TMOD3: variants seen among roughly 807,000 people sequenced by gnomAD.
TMOD3 encodes the protein tropomodulin 3, also known as tropomodulin-3.
A neutral mutation model predicts 39.2 loss-of-function variants in TMOD3; 20 were observed. The observed-to-expected ratio is 0.51, with a 90% confidence interval of 0.36 to 0.74. TMOD3 has a LOEUF of 0.74. Among genes scored for constraint, TMOD3 ranks in the 30% least tolerant of loss-of-function variants. The pLI is 0.00. For missense variants in TMOD3, 381 were observed against 412.8 expected (o/e 0.92, Z 0.67); for synonymous variants, 143 against 145.8 (o/e 0.98, Z 0.14).
At chr15:51,859,290 G>A in intron 1 of TMOD3, 1 of 734,000 alleles carries the variant, frequency 1.4e-6, no homozygotes, top group Admixed American at 1.7e-5. Flanking sequence ...GCAGTTTTCA[G>A]GTCTACCAAG....
chr15:51,908,957 T>C lies in TMOD3; in HGVS notation c.*147T>C. 2.1e-6 allele frequency: 1 copy of C among 472,612 alleles called. No homozygotes were observed. Among genetic ancestry groups the C allele is most frequent in the Admixed American group, 4.1e-5 (1 of 24,142 alleles). The allele number at this position is 472,612 out of a possible 1,614,324, so 29.3% of individuals were successfully genotyped here. ...CATTTTTTTTTTAGTTGTTATCAAA[T>C]TGTAAAATCAGTAATGTGATATTTT... On this transcript the variant is annotated 3_prime_UTR_variant, in exon 10 of 10. Transcript: ENST00000308580.
At chr15:51,836,042 A>G (rs1383101287) in intron 1 of TMOD3, among the ~76,000 whole-genome samples, 1 of 152,166 alleles carries the variant, frequency 6.6e-6, no homozygotes, top group East Asian at 1.9e-4. Context: ...AAAAGCTAAG[A>G]TTTTCAAAGA....
At chr15:51,855,763 C>T (rs1033134388) in intron 1 of TMOD3, among the ~76,000 whole-genome samples, 1 of 152,194 alleles carries the variant, frequency 6.6e-6, no homozygotes, top group African/African-American at 2.4e-5. Flanking sequence ...AAAGGACAAG[C>T]AAGAGAGACA....
chr15:51,876,120 T>C (rs963191038), intron 3 of TMOD3, among the ~76,000 whole-genome samples: 1 of 152,200 alleles, frequency 6.6e-6, no homozygotes, highest in Non-Finnish European at 1.5e-5. Context: ...TTAGATGTCA[T>C]GGTATATCTT....
chr15:51,896,702 AT>A (rs907161854), intron 7 of TMOD3, among the ~76,000 whole-genome samples, 176 bp downstream of exon 7: 18 of 152,030 alleles, frequency 1.2e-4, no homozygotes, highest in South Asian at 6.2e-4. Context: ...CTTCCTATGA[AT>A]TTTTTCCCCC....
At chr15:51,869,918 C>T (rs779556083) in intron 3 of TMOD3, among the ~76,000 whole-genome samples, 7 of 151,962 alleles carry the variant, frequency 4.6e-5, no homozygotes, top group South Asian at 4.2e-4. Context: ...AGCCTGAGTA[C>T]GGCTGTGGTT....
intron 2 of TMOD3, among the ~76,000 whole-genome samples, chr15:51,866,546 C>T (rs2056448089): frequency 6.6e-6 from 1 of 152,004 alleles, no homozygotes; most frequent in African/African-American, 2.4e-5. Flanking sequence ...TTCTAGGGAG[C>T]CAGGATTTCA....
At chr15:51,882,929 T>G (rs1276329462) in intron 3 of TMOD3, among the ~76,000 whole-genome samples, 1 of 152,230 alleles carries the variant, frequency 6.6e-6, no homozygotes, top group Non-Finnish European at 1.5e-5. Context: ...CTTCCTAGTT[T>G]ATCCTTTCTT....
chr15:51,839,205 T>C (rs1366795421), intron 1 of TMOD3, among the ~76,000 whole-genome samples: 1 of 148,556 alleles, frequency 6.7e-6, no homozygotes, highest in Non-Finnish European at 1.5e-5. Flanking sequence ...TGGGTCTCAC[T>C]CTGTTGCCTA....
chr15:51,848,241 T>G lies in TMOD3; in HGVS notation c.-74-14570T>G, dbSNP rs563318708. Among the ~76,000 whole-genome samples, 23 of 152,332 alleles carry G rather than the reference T, an allele frequency of 1.5e-4. No individual in the cohort carries two copies. The South Asian group carries it at 3.5e-3, about 23-fold the overall frequency. On this transcript the variant is annotated intron_variant, in intron 1 of 9. Transcript: ENST00000308580. The stretch of plus-strand genomic sequence containing the variant: ...ACTGAATATATTCTTTGTTTATAAT[T>G]AGTGTTATTTAGAATTATAAGCTTA...
At chr15:51,905,085 T>C (rs554389533) in intron 9 of TMOD3, among the ~76,000 whole-genome samples, 12 of 152,202 alleles carry the variant, frequency 7.9e-5, no homozygotes, top group Non-Finnish European at 1.8e-4. Flanking sequence ...AGCAAGCAAG[T>C]TATTTATATG....
At chr15:51,906,924 G>A (rs548800529) in intron 9 of TMOD3, among the ~76,000 whole-genome samples, 3 of 151,708 alleles carry the variant, frequency 2.0e-5, no homozygotes, top group South Asian at 2.1e-4. Context: ...GGAGGCTGAG[G>A]CAGGAGAATT....
intron 3 of TMOD3, among the ~76,000 whole-genome samples, chr15:51,871,479 A>G (rs930408883): frequency 2.6e-5 from 4 of 152,192 alleles, no homozygotes; most frequent in African/African-American, 7.2e-5. Context: ...AAAGCGAGAG[A>G]TGTGAGAAAA....
intron 1 of TMOD3, among the ~76,000 whole-genome samples, chr15:51,855,281 G>A (rs2056382398): frequency 6.6e-6 from 1 of 152,212 alleles, no homozygotes; most frequent in Admixed American, 6.5e-5. Flanking sequence ...GCACCACCTG[G>A]CAGCTTATTA....
At chr15:51,841,008 T>C (rs933279573) in intron 1 of TMOD3, among the ~76,000 whole-genome samples, 2 of 152,234 alleles carry the variant, frequency 1.3e-5, no homozygotes, top group Admixed American at 6.5e-5. Context: ...GTAAAACGTA[T>C]GGCTTTTAGG....
chr15:51,851,358 A>T (rs949585267), intron 1 of TMOD3, among the ~76,000 whole-genome samples: 1 of 152,216 alleles, frequency 6.6e-6, no homozygotes, highest in Non-Finnish European at 1.5e-5. Flanking sequence ...GTGACAAGTT[A>T]TTTGCTTGTT....
At chr15:51,887,753 G>T (rs2056572559) in intron 4 of TMOD3, 42 bp downstream of exon 4, 1 of 1,611,232 alleles carries the variant, frequency 6.2e-7, no homozygotes, top group Admixed American at 1.7e-5. Flanking sequence ...AGTGTGGGGT[G>T]GAGTGGGAAA....
chr15:51,900,376 A>T, intron 8 of TMOD3, 78 bp downstream of exon 8: 1 of 1,537,698 alleles, frequency 6.5e-7, no homozygotes, highest in Non-Finnish European at 8.8e-7. Context: ...CAGGATGGGG[A>T]TGGGAGGCGG....
intron 1 of TMOD3, among the ~76,000 whole-genome samples, chr15:51,845,881 TAATC>T (rs1289860970): frequency 2.0e-5 from 3 of 152,208 alleles, no homozygotes; most frequent in South Asian, 2.1e-4. Flanking sequence ...GACTTCGGAG[TAATC>T]AATCAAGGAG....
Sources: gnomAD v4.1 joint callset for allele counts (sites outside exome capture counted in the v4.1 genomes callset) on GRCh38, gnomAD v4.1.1 for gene constraint, MANE v1.5 for transcripts, NCBI Gene and HGNC (gene_info 2026-07-23, HGNC 2026-07-21) for gene names.